Variants in CSMD1 observed in about 807,000 individuals in gnomAD.
CSMD1 encodes the protein CUB and Sushi multiple domains 1, also known as CUB and sushi domain-containing protein 1.
CSMD1 carries 213 observed loss-of-function variants against 417.5 expected under a neutral mutation model. The ratio of observed to expected loss-of-function variants is 0.51; its 90% CI spans 0.46 to 0.57. CSMD1 has a LOEUF of 0.57. Among genes scored for constraint, CSMD1 ranks in the 20% least tolerant of loss-of-function variants. CSMD1 has a pLI of 0.00. For synonymous variants in CSMD1, 2,862 were observed against 1,736.8 expected (o/e 1.65, Z -16.11); for missense variants, 6,923 against 4,529.7 (o/e 1.53, Z -15.17).
intron 3 of CSMD1, among the ~76,000 whole-genome samples, chr8:4,409,203 G>C (rs1188954352): frequency 1.3e-5 from 2 of 152,082 alleles, no homozygotes; most frequent in African/African-American, 4.8e-5. Flanking sequence ...CTACAAAATG[G>C]AAATGAATTT....
intron 3 of CSMD1, among the ~76,000 whole-genome samples, chr8:4,225,609 G>C (rs1363657614): frequency 1.3e-5 from 2 of 150,550 alleles, no homozygotes; most frequent in Non-Finnish European, 2.9e-5. Flanking sequence ...GAAATATGCT[G>C]TTGTCCATTT....
chr8:3,927,557 A>G (rs1222297961), intron 5 of CSMD1, among the ~76,000 whole-genome samples: 1 of 149,578 alleles, frequency 6.7e-6, no homozygotes, highest in Middle Eastern at 3.2e-3. Flanking sequence ...CCCAGCTACT[A>G]GAGAGGCTGA....
intron 1 of CSMD1, among the ~76,000 whole-genome samples, chr8:4,835,065 A>G (rs1257354386): frequency 6.6e-6 from 1 of 151,170 alleles, no homozygotes; most frequent in African/African-American, 2.4e-5. Context: ...CATAACAAAC[A>G]AAAGCGTTTC....
chr8:3,035,337 C>T (rs760052926), intron 50 of CSMD1, among the ~76,000 whole-genome samples: 10 of 152,044 alleles, frequency 6.6e-5, no homozygotes, highest in Non-Finnish European at 1.3e-4. Flanking sequence ...TCACTCACAA[C>T]GACACTGAGA....
chr8:3,016,723 G>A (rs1769749964), intron 52 of CSMD1, among the ~76,000 whole-genome samples: 2 of 151,824 alleles, frequency 1.3e-5, no homozygotes, highest in South Asian at 4.2e-4. Flanking sequence ...CAACACAAAT[G>A]TTTTATATAT....
chr8:4,455,965 G>GAAAAAAAAAA (rs1799449492), intron 2 of CSMD1, among the ~76,000 whole-genome samples: 1 of 23,638 alleles, frequency 4.2e-5, no homozygotes, highest in Admixed American at 5.2e-4. Context: ...AAAAAAAAAT[G>GAAAAAAAAAA]CAGTTAAGAT....
chr8:4,379,714 G>A (rs1563112782), intron 3 of CSMD1, among the ~76,000 whole-genome samples: 1 of 151,978 alleles, frequency 6.6e-6, no homozygotes, highest in Non-Finnish European at 1.5e-5. Context: ...CGGGAAGAGG[G>A]CAATGAAGCA....
chr8:3,486,290 C>T (rs905543113), intron 11 of CSMD1, among the ~76,000 whole-genome samples: 19 of 152,024 alleles, frequency 1.2e-4, no homozygotes, highest in African/African-American at 4.6e-4. Context: ...ATCTACCATT[C>T]TATTTGATGC....
At chr8:3,971,571 T>C (rs1311526312) in intron 5 of CSMD1, among the ~76,000 whole-genome samples, 1 of 152,188 alleles carries the variant, frequency 6.6e-6, no homozygotes, top group East Asian at 1.9e-4. Context: ...AAAAAATTAA[T>C]ACCATAATTT....
chr8:3,760,720 T>C (rs1797946779), intron 5 of CSMD1, among the ~76,000 whole-genome samples: 1 of 152,230 alleles, frequency 6.6e-6, no homozygotes, highest in Non-Finnish European at 1.5e-5. Context: ...AGTACTTCTC[T>C]TACATTAAGC....
chr8:4,808,417 C>T (rs529420002), intron 1 of CSMD1, among the ~76,000 whole-genome samples: 27 of 152,228 alleles, frequency 1.8e-4, no homozygotes, highest in Middle Eastern at 3.4e-3. Context: ...AGGAAAAAGA[C>T]GGAAACATGG....
intron 1 of CSMD1, among the ~76,000 whole-genome samples, chr8:4,961,537 G>T (rs947189696): frequency 2.0e-5 from 3 of 152,068 alleles, no homozygotes; most frequent in Non-Finnish European, 4.4e-5. Flanking sequence ...TTGAAAATTA[G>T]TTCCTCTTAG....
chr8:4,623,362 A>T (rs1479452219), intron 2 of CSMD1, among the ~76,000 whole-genome samples: 1 of 152,188 alleles, frequency 6.6e-6, no homozygotes, highest in African/African-American at 2.4e-5. Flanking sequence ...ACATACAACA[A>T]CTAAAATTCA....
chr8:4,233,265 T>C (rs1189559499), intron 3 of CSMD1, among the ~76,000 whole-genome samples: 1 of 152,224 alleles, frequency 6.6e-6, no homozygotes, highest in Admixed American at 6.5e-5. Flanking sequence ...TCAGCTTCTT[T>C]GTATGCAGAA....
At chr8:4,001,178 A>C (rs1421792221) in intron 4 of CSMD1, among the ~76,000 whole-genome samples, 2 of 152,244 alleles carry the variant, frequency 1.3e-5, no homozygotes, top group South Asian at 4.1e-4. Flanking sequence ...TATAGAATAA[A>C]CATAGAATAC....
rs1391350899 is a variant in CSMD1 at position 4,007,763 on chromosome 8, T to C, written c.611-9653A>G. On this transcript the variant is annotated intron_variant, in intron 4 of 69. Coordinates refer to ENST00000635120, the MANE Select transcript of CSMD1 (RefSeq NM_033225.6). Reference sequence around the variant, plus strand: ...CAGTTGCAAACAAGCCTCTATTCATTTGTCTTTAACAAGTGTTGGGACTAT... The same window carrying C: ...CAGTTGCAAACAAGCCTCTATTCATCTGTCTTTAACAAGTGTTGGGACTAT... Among the ~76,000 whole-genome samples the C allele has an allele frequency of 4.6e-5, 7 of 152,334 alleles. No individual in the cohort carries two copies. In the East Asian group the frequency reaches 1.3e-3, roughly 29 times the overall value.
chr8:3,876,601 A>G (rs888548318), intron 5 of CSMD1, among the ~76,000 whole-genome samples: 1 of 152,098 alleles, frequency 6.6e-6, no homozygotes, highest in Non-Finnish European at 1.5e-5. Flanking sequence ...GCTTCATGGT[A>G]TTGTTTTTGT....
intron 1 of CSMD1, among the ~76,000 whole-genome samples, chr8:4,740,008 A>G (rs1810503959): frequency 6.6e-6 from 1 of 152,050 alleles, no homozygotes; most frequent in African/African-American, 2.4e-5. Flanking sequence ...TTCCTTTCCC[A>G]CCCTGAGCTT....
At chr8:3,870,762 T>G (rs748738362) in intron 5 of CSMD1, among the ~76,000 whole-genome samples, 1 of 152,152 alleles carries the variant, frequency 6.6e-6, no homozygotes, top group Non-Finnish European at 1.5e-5. Context: ...CATAAATAAA[T>G]GTATATTAAT....
Sources: allele counts gnomAD v4.1 joint callset (sites outside exome capture counted in the v4.1 genomes callset), GRCh38; gene constraint gnomAD v4.1.1; transcripts MANE v1.5; gene names NCBI Gene and HGNC (gene_info 2026-07-23, HGNC 2026-07-21).